The following DDR2 variants were observed in gnomAD, a reference collection of about 807,000 sequenced individuals.
The protein encoded by DDR2 is discoidin domain receptor tyrosine kinase 2.
A neutral mutation model predicts 94.9 loss-of-function variants in DDR2; 27 were observed. The ratio of observed to expected loss-of-function variants is 0.28; its 90% confidence interval spans 0.21 to 0.39. The LOEUF is 0.39. DDR2 is among the 10% of genes least tolerant of loss of function. The pLI, the probability that DDR2 is intolerant of heterozygous loss-of-function variation, is 1.00. For synonymous variants in DDR2, 382 were observed against 377.2 expected (o/e 1.01, Z -0.15); for missense variants, 783 against 1,076.0 (o/e 0.73, Z 3.81).
In DDR2 at chr1:162,755,178, C is replaced by T. The variant is rs2102136516; in HGVS notation, c.440C>T (p.Pro147Leu). 1 of 1,614,110 alleles carries T rather than the reference C, an allele frequency of 6.2e-7. No homozygotes were observed. Among genetic ancestry groups the T allele is most frequent in the Non-Finnish European group, 8.5e-7 (1 of 1,180,018 alleles). ...CAGGTGCTGGATGGAAATAGTAACC[C>T]CTATGACATTTTCCTAAAGGACTTG... is the stretch of plus-strand genomic sequence containing the variant. ...GKQVLDGNSN[P>L]YDIFLKDLEP... Residue 147 changes from proline (P) to leucine (L), a missense_variant, in exon 6 of 18, where the codon CCC becomes CTC. Around this residue, in one of 2 missense-constraint regions of DDR2, gnomAD observed 519 missense variants for 647.9 expected, o/e 0.80. Transcript: ENST00000367921.
chr1:162,730,580 C>T (rs1403734385), intron 3 of DDR2, among the ~76,000 whole-genome samples: 1 of 152,196 alleles, frequency 6.6e-6, no homozygotes, highest in African/African-American at 2.4e-5. Flanking sequence ...AATGTATTGG[C>T]ATGGGAGGAG....
In DDR2 at chr1:162,785,262, G is replaced by T. The variant is rs1167470729; in HGVS notation, c.*5016G>T. The T allele has an allele frequency of 6.6e-6, 1 of 152,092 alleles. No homozygotes were observed. Among genetic ancestry groups the T allele is most frequent in the Non-Finnish European group, 1.5e-5 (1 of 68,016 alleles). The allele number at this position is 152,092 out of a possible 1,614,324, so 9.4% of individuals were successfully genotyped here. A position where few individuals can be genotyped will look rare whatever the true frequency, so the allele number is the denominator to read the frequency against. On this transcript the variant is annotated 3_prime_UTR_variant, in exon 18 of 18. Coordinates refer to ENST00000367921, the MANE Select transcript of DDR2 (RefSeq NM_006182.4). ...AGGATTAGCACTGGGGACAAAATAA[G>T]GAGTTTAGAGTAAACCAGTATTTCA...
chr1:162,750,947 A>T (rs561183973), intron 3 of DDR2, among the ~76,000 whole-genome samples: 1 of 152,362 alleles, frequency 6.6e-6, no homozygotes, highest in East Asian at 1.9e-4. Flanking sequence ...AGCCATACGT[A>T]GAAAGCTGAA....
intron 3 of DDR2, among the ~76,000 whole-genome samples, chr1:162,719,526 CTT>C (rs1661322871): frequency 6.6e-6 from 1 of 152,042 alleles, no homozygotes; most frequent in South Asian, 2.1e-4. Flanking sequence ...CTGTCTTAGA[CTT>C]TGATTTTACT....
intron 2 of DDR2, among the ~76,000 whole-genome samples, chr1:162,690,390 A>AATGTCAAC (rs1368940614): frequency 6.6e-6 from 1 of 152,088 alleles, no homozygotes; most frequent in Non-Finnish European, 1.5e-5. Context: ...GCTCTGCCAA[A>AATGTCAAC]ATGTCAACAT....
chr1:162,685,750 G>A (rs558787170), intron 2 of DDR2, among the ~76,000 whole-genome samples: 42 of 152,198 alleles, frequency 2.8e-4, no homozygotes, highest in African/African-American at 7.7e-4. Context: ...TGTAGCAGCC[G>A]CTTTTCTAAG....
Position 162,772,036 on chromosome 1 carries a change from T to C in DDR2, c.1517T>C (p.Val506Ala), listed in dbSNP as rs773261705. The C allele has an allele frequency of 1.9e-6, 3 of 1,608,802 alleles. No homozygotes were observed. The highest frequency in any genetic ancestry group is 3.4e-5 in the Admixed American group (2 of 59,402). Residue 506 changes from valine (V) to alanine (A), a missense_variant, in exon 13 of 18, where the codon GTT becomes GCT. Transcript: ENST00000367921. ...CTTGTCTTCCCAGGCTGCAGCGGTG[T>C]TGTGAAGCCAGTCCAGCCCAGTGGC... ...PGEEESGCSG[V>A]VKPVQPSGPE...
chr1:162,672,679 C>T (rs1015582213), intron 2 of DDR2, among the ~76,000 whole-genome samples: 1 of 152,164 alleles, frequency 6.6e-6, no homozygotes, highest in Non-Finnish European at 1.5e-5. Flanking sequence ...TTAGGCAAAT[C>T]TCCACTCATA....
intron 2 of DDR2, among the ~76,000 whole-genome samples, chr1:162,714,526 C>T (rs1232859563): frequency 6.6e-6 from 1 of 152,166 alleles, no homozygotes; most frequent in African/African-American, 2.4e-5. Flanking sequence ...TCATGTAGTA[C>T]ATTTCCATTT....
chr1:162,710,371 C>T (rs112206072), intron 2 of DDR2, among the ~76,000 whole-genome samples: 1 of 152,112 alleles, frequency 6.6e-6, no homozygotes, highest in Admixed American at 6.5e-5. Context: ...CACTGAGGGG[C>T]TGCATTTTGA....
At chr1:162,679,897 A>AT (rs796405759) in intron 2 of DDR2, among the ~76,000 whole-genome samples, 40 of 152,028 alleles carry the variant, frequency 2.6e-4, no homozygotes, top group African/African-American at 9.4e-4. Context: ...GATGTCAAGT[A>AT]TTTTTTTCGT....
chr1:162,695,132 G>A (rs542065977), intron 2 of DDR2, among the ~76,000 whole-genome samples: 2 of 152,290 alleles, frequency 1.3e-5, no homozygotes, highest in East Asian at 1.9e-4. Flanking sequence ...GATGTGCTAG[G>A]TGGACATTCT....
At chr1:162,698,035 T>C (rs1354803892) in intron 2 of DDR2, among the ~76,000 whole-genome samples, 1 of 152,180 alleles carries the variant, frequency 6.6e-6, no homozygotes, top group Non-Finnish European at 1.5e-5. Flanking sequence ...AAATAAATCC[T>C]CAACAAGACT....
chr1:162,747,058 G>C (rs1224484087), intron 3 of DDR2, among the ~76,000 whole-genome samples: 1 of 152,190 alleles, frequency 6.6e-6, no homozygotes, highest in Non-Finnish European at 1.5e-5. Flanking sequence ...CAAAGATGGG[G>C]AGAAACCAGA....
At chr1:162,679,452 T>G (rs1293428059) in intron 2 of DDR2, among the ~76,000 whole-genome samples, 4 of 152,206 alleles carry the variant, frequency 2.6e-5, no homozygotes, top group Non-Finnish European at 5.9e-5. Context: ...AGCCTCCAGC[T>G]CCATCCATGT....
chr1:162,694,640 T>C (rs1456252597), intron 2 of DDR2, among the ~76,000 whole-genome samples: 1 of 152,204 alleles, frequency 6.6e-6, no homozygotes, highest in Non-Finnish European at 1.5e-5. Context: ...GAAGTAACTA[T>C]GTTACTTATT....
chr1:162,707,099 T>C (rs533006364), intron 2 of DDR2, among the ~76,000 whole-genome samples: 176 of 152,282 alleles, frequency 1.2e-3, no homozygotes, highest in Non-Finnish European at 2.0e-3. Context: ...AGGCAGGAAC[T>C]CCTGGGCCAT....
chr1:162,724,846 G>A (rs1178394155), intron 3 of DDR2, among the ~76,000 whole-genome samples: 1 of 152,130 alleles, frequency 6.6e-6, no homozygotes, highest in Non-Finnish European at 1.5e-5. Flanking sequence ...GCCGGCAAAA[G>A]ACCTCTCTGG....
chr1:162,761,377 G>A lies in DDR2; in HGVS notation c.1022G>A (p.Arg341Gln), dbSNP rs769041297. Residue 341 changes from arginine (R) to glutamine (Q), a missense_variant, in exon 9 of 18, where the codon CGA becomes CAA. This residue lies in a region of DDR2 where 519 missense variants were observed against 647.9 expected (regional missense o/e 0.80). Transcript: ENST00000367921. Reference sequence around the variant, plus strand: ...TTTGTCACGGTGCCTCTCCACCACCGAATGGCCAGTGCCATCAAGTGTCAA... The same window carrying A: ...TTTGTCACGGTGCCTCTCCACCACCAAATGGCCAGTGCCATCAAGTGTCAA... ...ARFVTVPLHH[R>Q]MASAIKCQYH... 5.6e-6 allele frequency: 9 copies of A among 1,614,120 alleles called. No individual in the cohort carries two copies. The highest frequency in any genetic ancestry group is 2.2e-5 in the South Asian group (2 of 91,076).
Sources: gnomAD v4.1 joint callset for allele counts (sites outside exome capture counted in the v4.1 genomes callset) on GRCh38, gnomAD v4.1.1 for gene constraint, gnomAD v4.1.1 regional missense constraint, MANE v1.5 for transcripts, NCBI Gene and HGNC (gene_info 2026-07-23, HGNC 2026-07-21) for gene names.